Variants in NTSR1 observed in about 807,000 individuals in gnomAD.
The protein encoded by NTSR1 is neurotensin receptor type 1.
NTSR1 carries 29 observed loss-of-function variants against 31.2 expected under a neutral mutation model. The ratio of observed to expected loss-of-function variants is 0.93; its 90% CI spans 0.69 to 1.27. The LOEUF (loss-of-function observed/expected upper bound fraction) is 1.27, where lower values mean the gene tolerates loss of function less well. Among genes scored for constraint, NTSR1 ranks in the 50% most tolerant of loss-of-function variants. NTSR1 has a pLI of 0.00. For synonymous variants in NTSR1, 282 were observed against 269.9 expected, an observed-to-expected ratio of 1.04 and a Z score of -0.44; for missense variants, 697 against 595.4, an observed-to-expected ratio of 1.17 and a Z score of -1.78.
chr20:62,711,715 G>A lies in NTSR1; in HGVS notation c.714+1794G>A, dbSNP rs1368889038. Among the ~76,000 whole-genome samples, 2 of 152,020 alleles carry A rather than the reference G, an allele frequency of 1.3e-5. No individual in the cohort carries two copies. The highest frequency in any genetic ancestry group is 2.9e-5 in the Non-Finnish European group (2 of 68,010). Reference sequence around the variant, plus strand: ...AGGGGCGTGAGGACAGCTCGGCTCCGCCCCCCGGAAAGTGTCCTCCCCGCG... The same window carrying A: ...AGGGGCGTGAGGACAGCTCGGCTCCACCCCCCGGAAAGTGTCCTCCCCGCG... On this transcript the variant is annotated intron_variant, in intron 1 of 3. Transcript: ENST00000370501. This position sits in a 1 kb window ranked among gnomAD's most constrained non-coding sequence, Gnocchi z 6.4.
At chr20:62,739,045 A>G (rs980687210) in intron 1 of NTSR1, among the ~76,000 whole-genome samples, 5 of 152,038 alleles carry the variant, frequency 3.3e-5, no homozygotes, top group African/African-American at 4.8e-5. Context: ...AAAACAGAAA[A>G]GCCAAGCCTC....
chr20:62,722,328 C>T (rs1276682524), intron 1 of NTSR1, among the ~76,000 whole-genome samples: 2 of 152,182 alleles, frequency 1.3e-5, no homozygotes, highest in Non-Finnish European at 2.9e-5. Context: ...GGTTTGGAGG[C>T]CTTGCTCTAG....
At chr20:62,759,878 C>T (rs1001267424) in intron 3 of NTSR1, 140 bp from the exon 4 acceptor site, 3 of 800,634 alleles carry the variant, frequency 3.7e-6, no homozygotes, top group Non-Finnish European at 4.0e-6. Flanking sequence ...ATGAAATGTC[C>T]CCAAACAACC....
At chr20:62,737,434 C>T (rs1201234092) in intron 1 of NTSR1, among the ~76,000 whole-genome samples, 1 of 152,166 alleles carries the variant, frequency 6.6e-6, no homozygotes, top group East Asian at 1.9e-4. Context: ...GTCGGAGAGC[C>T]CCTTGACTCA....
chr20:62,737,616 C>G (rs1481221279), intron 1 of NTSR1, among the ~76,000 whole-genome samples: 1 of 152,082 alleles, frequency 6.6e-6, no homozygotes, highest in Admixed American at 6.5e-5. Flanking sequence ...AGAGAGATGC[C>G]GTCCCTGCCT....
chr20:62,757,808 G>A lies in NTSR1; in HGVS notation c.917-458G>A, dbSNP rs115960799. On this transcript the variant is annotated intron_variant, in intron 2 of 3. Transcript: ENST00000370501. ...CCCATGTCTCTCCCTCTCTGAGCCTGTGTCCTGTCTCTGAGCCTGTGTCCT... is the reference window on the plus strand; with the variant it reads ...CCCATGTCTCTCCCTCTCTGAGCCTATGTCCTGTCTCTGAGCCTGTGTCCT... Among the ~76,000 whole-genome samples the A allele has an allele frequency of 7.4e-3, 1,125 of 151,992 alleles. 17 individuals are homozygous for A. Among genetic ancestry groups the A allele is most frequent in the African/African-American group, 0.026 (1,077 of 41,438 alleles).
In NTSR1 at chr20:62,758,455, C is replaced by T. The variant is rs111710270; in HGVS notation, c.1007+99C>T. 1.8e-6 allele frequency: 2 copies of T among 1,131,042 alleles called. No homozygotes were observed. Among genetic ancestry groups the T allele is most frequent in the South Asian group, 2.7e-5 (2 of 74,714 alleles). 70.1% of individuals were successfully genotyped at this position (1,131,042 alleles called of 1,614,324 possible). ...CACTGCTGAGGGGATCCACTCAGGG[C>T]AGGGGTGTGGTGAGTCCCCCGGCGA... On this transcript the variant is annotated intron_variant, in intron 3 of 3. Transcript: ENST00000370501. The surrounding 1 kb of genome is among the most constrained non-coding windows in gnomAD (Gnocchi z 4.5).
At chr20:62,716,525 G>A (rs2427404) in intron 1 of NTSR1, among the ~76,000 whole-genome samples, 94,724 of 147,140 alleles carry the variant, frequency 0.64, 33,432 homozygotes, top group East Asian at 0.93. Context: ...CCGCCTCCGT[G>A]AGTCTGTGTT....
At chr20:62,746,470 A>G (rs893849775) in intron 1 of NTSR1, among the ~76,000 whole-genome samples, 1 of 152,164 alleles carries the variant, frequency 6.6e-6, no homozygotes, top group Non-Finnish European at 1.5e-5. Context: ...AGGGGCTCCT[A>G]TGGCTTCTCC....
chr20:62,755,092 C>T (rs1487317899), intron 2 of NTSR1, among the ~76,000 whole-genome samples: 37 of 151,006 alleles, frequency 2.5e-4, no homozygotes, highest in Non-Finnish European at 1.2e-4. Flanking sequence ...ATCCTTCCCT[C>T]CCTCCATCCA....
chr20:62,756,576 GC>G (rs1454404550), intron 2 of NTSR1: 11 of 152,266 alleles, frequency 7.2e-5, no homozygotes, highest in Admixed American at 5.9e-4. Flanking sequence ...CCCTAAGAGA[GC>G]CTGGCTCTGG....
chr20:62,753,241 G>A (rs1042688517), intron 1 of NTSR1, among the ~76,000 whole-genome samples: 2 of 152,232 alleles, frequency 1.3e-5, no homozygotes, highest in Non-Finnish European at 2.9e-5. Context: ...CCCAGAGGGG[G>A]CCAGGGAGAA....
chr20:62,749,469 G>A (rs1435363816), intron 1 of NTSR1, among the ~76,000 whole-genome samples: 5 of 152,128 alleles, frequency 3.3e-5, no homozygotes, highest in Non-Finnish European at 7.3e-5. Context: ...CTTGACATTG[G>A]TCTTGGCAGT....
chr20:62,727,704 G>A (rs1393846593), intron 1 of NTSR1, among the ~76,000 whole-genome samples: 4 of 152,378 alleles, frequency 2.6e-5, no homozygotes, highest in East Asian at 3.9e-4. Flanking sequence ...TGTGTCTGGC[G>A]TGGTGGCAGG....
chr20:62,753,702 G>A (rs1989431768), intron 1 of NTSR1, among the ~76,000 whole-genome samples: 2 of 152,254 alleles, frequency 1.3e-5, no homozygotes, highest in Admixed American at 1.3e-4. Context: ...CGAAGGCCAA[G>A]GAAGATTTTA....
chr20:62,713,523 G>C (rs1018271547), intron 1 of NTSR1, among the ~76,000 whole-genome samples: 1 of 152,216 alleles, frequency 6.6e-6, no homozygotes, highest in African/African-American at 2.4e-5. Context: ...TTATTTCAGG[G>C]CTCCTGTCCC....
chr20:62,752,641 G>A (rs944618960), intron 1 of NTSR1, among the ~76,000 whole-genome samples: 8 of 152,234 alleles, frequency 5.3e-5, no homozygotes, highest in African/African-American at 9.6e-5. Flanking sequence ...GCAGCCAGCC[G>A]TGTTGGTGAG....
chr20:62,731,684 C>A (rs1344045926), intron 1 of NTSR1, among the ~76,000 whole-genome samples: 12 of 152,188 alleles, frequency 7.9e-5, no homozygotes, highest in Admixed American at 7.9e-4. Flanking sequence ...GTTGTTCCAG[C>A]ACCATCTGTT....
At chr20:62,737,654 C>T (rs985955259) in intron 1 of NTSR1, among the ~76,000 whole-genome samples, 5 of 152,126 alleles carry the variant, frequency 3.3e-5, no homozygotes, top group African/African-American at 1.2e-4. Flanking sequence ...TTCCTTCCCA[C>T]CTGCTCTCGT....
Sources: allele counts gnomAD v4.1 joint callset (sites outside exome capture counted in the v4.1 genomes callset), GRCh38; gene constraint gnomAD v4.1.1; non-coding constraint Gnocchi (gnomAD v3.1); transcripts MANE v1.5; gene names NCBI Gene and HGNC (gene_info 2026-07-23, HGNC 2026-07-21).